The following RAB3GAP2 variants were observed in gnomAD, a reference collection of about 807,000 sequenced individuals.
RAB3GAP2 encodes RAB3 GTPase activating non-catalytic protein subunit 2.
Under a neutral mutation model 185.3 loss-of-function variants are expected in RAB3GAP2, and 87 were observed. The ratio of observed to expected loss-of-function variants is 0.47; its 90% CI spans 0.39 to 0.56. RAB3GAP2 has a LOEUF of 0.56. Among genes scored for constraint, RAB3GAP2 ranks in the 20% least tolerant of loss-of-function variants. The pLI, the probability that RAB3GAP2 is intolerant of heterozygous loss-of-function variation, is 0.00. For missense variants in RAB3GAP2, 1,492 were observed against 1,638.2 expected (o/e 0.91, Z 1.54); for synonymous variants, 554 against 576.1 (o/e 0.96, Z 0.55).
Position 220,267,443 on chromosome 1 carries a change from G to A in RAB3GAP2, c.115+4780C>T, listed in dbSNP as rs1480148041. 2.9e-6 allele frequency: 4 copies of A among 1,375,764 alleles called. No homozygotes were observed. The African/African-American group carries it at 5.7e-5, about 20-fold the overall frequency. 85.2% of individuals were successfully genotyped at this position (1,375,764 alleles called of 1,614,324 possible). A position where few individuals can be genotyped will look rare whatever the true frequency, so the allele number is the denominator to read the frequency against. The stretch of plus-strand genomic sequence containing the variant: ...GCTTTAAATAACACCCTAAGAGCCA[G>A]AATAAACTTGCTTTGTTTTTCTCTT... On this transcript the variant is annotated intron_variant, in intron 1 of 34. Transcript: ENST00000358951.
intron 2 of RAB3GAP2, among the ~76,000 whole-genome samples, chr1:220,228,644 T>C (rs190988765): frequency 8.9e-4 from 135 of 152,340 alleles, no homozygotes; most frequent in African/African-American, 3.1e-3. Context: ...TGAACTTCAT[T>C]GTACCTGCCT....
intron 22 of RAB3GAP2, 90 bp from the exon 23 acceptor site, chr1:220,172,139 A>AGTTAG (rs1658191354): frequency 7.8e-7 from 1 of 1,279,738 alleles, no homozygotes; most frequent in African/African-American, 1.5e-5. Flanking sequence ...GTTAAAACTA[A>AGTTAG]GTTACCTACT....
intron 1 of RAB3GAP2, among the ~76,000 whole-genome samples, chr1:220,269,315 G>A (rs1660290006): frequency 6.6e-6 from 1 of 152,206 alleles, no homozygotes; most frequent in South Asian, 2.1e-4. Flanking sequence ...AATAAGGGGA[G>A]AGGTGTATAA....
At chr1:220,258,497 C>T (rs961149373) in intron 1 of RAB3GAP2, among the ~76,000 whole-genome samples, 10 of 152,082 alleles carry the variant, frequency 6.6e-5, no homozygotes, top group African/African-American at 2.4e-4. Flanking sequence ...ACATGAATAC[C>T]TCAATAGATG....
At chr1:220,218,299 T>G (rs1406033653) in intron 2 of RAB3GAP2, among the ~76,000 whole-genome samples, 2 of 152,132 alleles carry the variant, frequency 1.3e-5, no homozygotes, top group Admixed American at 1.3e-4. Context: ...ATCCTCCCAG[T>G]TTGCCATGGT....
intron 17 of RAB3GAP2, among the ~76,000 whole-genome samples, chr1:220,187,778 C>T (rs866633389): frequency 2.0e-5 from 3 of 151,936 alleles, no homozygotes; most frequent in Non-Finnish European, 4.4e-5. Context: ...GATCTCTACC[C>T]TCTGTAATAT....
intron 10 of RAB3GAP2, 157 bp downstream of exon 10, chr1:220,196,086 AAGAATTT>A (rs1260741690): frequency 1.4e-5 from 11 of 777,558 alleles, no homozygotes; most frequent in Admixed American, 2.7e-5. Context: ...AGTTAATCTA[AAGAATTT>A]AGAAGAAAGC....
chr1:220,194,852 A>T (rs1198413460), intron 12 of RAB3GAP2, among the ~76,000 whole-genome samples: 1 of 152,244 alleles, frequency 6.6e-6, no homozygotes, highest in Non-Finnish European at 1.5e-5. Context: ...CTCAAGAAAT[A>T]CATCTTGAAT....
intron 1 of RAB3GAP2, among the ~76,000 whole-genome samples, chr1:220,239,566 A>G (rs948107540): frequency 3.3e-5 from 5 of 152,202 alleles, no homozygotes; most frequent in Non-Finnish European, 5.9e-5. Context: ...TACAATATTA[A>G]TAATTTTTTT....
intron 2 of RAB3GAP2, chr1:220,220,383 T>C (rs1659284687): frequency 6.6e-6 from 1 of 152,552 alleles, no homozygotes; most frequent in South Asian, 2.1e-4. Flanking sequence ...CCAGCAATTA[T>C]GAAAAAGTCC....
intron 21 of RAB3GAP2, among the ~76,000 whole-genome samples, chr1:220,179,988 C>G (rs1323968876): frequency 6.6e-6 from 1 of 151,970 alleles, no homozygotes; most frequent in African/African-American, 2.4e-5. Context: ...ATTGTGAAAC[C>G]CCGTCTCTAC....
chr1:220,222,550 AT>A (rs762791952), intron 2 of RAB3GAP2, among the ~76,000 whole-genome samples: 1 of 152,200 alleles, frequency 6.6e-6, no homozygotes, highest in Non-Finnish European at 1.5e-5. Flanking sequence ...TCACAAATAA[AT>A]TAATCACAAA....
chr1:220,230,643 T>C (rs1659480851), intron 2 of RAB3GAP2, among the ~76,000 whole-genome samples: 1 of 152,168 alleles, frequency 6.6e-6, no homozygotes, highest in African/African-American at 2.4e-5. Context: ...CTTTTCCTCA[T>C]CCTCCCCAAC....
At chr1:220,161,344 A>G (rs907207673) in intron 28 of RAB3GAP2, among the ~76,000 whole-genome samples, 2 of 152,212 alleles carry the variant, frequency 1.3e-5, no homozygotes, top group African/African-American at 4.8e-5. Flanking sequence ...TTAAAAGAAT[A>G]TGTTATCTTT....
chr1:220,179,066 C>T (rs1392065587), intron 21 of RAB3GAP2, among the ~76,000 whole-genome samples: 4 of 150,200 alleles, frequency 2.7e-5, no homozygotes, highest in Admixed American at 2.0e-4. Context: ...AAATGAAAAC[C>T]AAAAAAGAGC....
In RAB3GAP2 at chr1:220,233,796, G is replaced by A. The variant is rs886262561; in HGVS notation, c.116-933C>T. On this transcript the variant is annotated intron_variant, in intron 1 of 34. Coordinates refer to ENST00000358951, the MANE Select transcript of RAB3GAP2 (RefSeq NM_012414.4). ...GCTCACTGCAACCTCTGCCTCCCGC[G>A]TTCAAGCCATTCTCCTGCCTCAGTC... is the stretch of plus-strand genomic sequence containing the variant. Among the ~76,000 whole-genome samples the A allele has an allele frequency of 8.3e-4, 127 of 152,130 alleles. 1 individual carries two copies. Among genetic ancestry groups the A allele is most frequent in the African/African-American group, 2.8e-3 (118 of 41,506 alleles).
chr1:220,175,507 G>A (rs1409839496), intron 21 of RAB3GAP2, among the ~76,000 whole-genome samples: 1 of 152,174 alleles, frequency 6.6e-6, no homozygotes, highest in Non-Finnish European at 1.5e-5. Flanking sequence ...GTGAGCCACT[G>A]CGCCCGGCCG....
intron 7 of RAB3GAP2, chr1:220,208,192 G>A (rs1348494059): frequency 2.6e-5 from 4 of 152,244 alleles, no homozygotes; most frequent in East Asian, 1.9e-4. Flanking sequence ...TTACAGACAT[G>A]ACCAAATTTA....
Position 220,184,073 on chromosome 1 carries a change from GAATTT to G in RAB3GAP2, c.1956_1960del (p.Leu652PhefsTer3). The G allele has an allele frequency of 6.3e-7, 1 of 1,595,688 alleles. No homozygotes were observed. The highest frequency in any genetic ancestry group is 8.6e-7 in the Non-Finnish European group (1 of 1,164,094). ...TGGTGTGTCTAAATGAAAATCAAGGGAATTTAATTGACTGACAGACTCATAGAGTT... is the reference window on the plus strand; with the variant it reads ...TGGTGTGTCTAAATGAAAATCAAGGGAATTGACTGACAGACTCATAGAGTT... On this transcript the variant is annotated frameshift_variant, in exon 19 of 35. Coordinates refer to ENST00000358951, the MANE Select transcript of RAB3GAP2 (RefSeq NM_012414.4). LOFTEE classifies it high-confidence loss of function.
Sources: gnomAD v4.1 joint callset for allele counts (sites outside exome capture counted in the v4.1 genomes callset) on GRCh38, gnomAD v4.1.1 for gene constraint, MANE v1.5 for transcripts, NCBI Gene and HGNC (gene_info 2026-07-23, HGNC 2026-07-21) for gene names.